Variants in ADAM19 observed in about 807,000 individuals in gnomAD.
The protein encoded by ADAM19 is disintegrin and metalloproteinase domain-containing protein 19.
In ADAM19, 65 loss-of-function variants were observed where a neutral mutation model predicts 114.7. The observed-to-expected ratio is 0.57, with a 90% CI of 0.46 to 0.70. The LOEUF (loss-of-function observed/expected upper bound fraction) is 0.70. Among genes scored for constraint, ADAM19 ranks in the 30% least tolerant of loss-of-function variants. ADAM19 has a pLI of 0.00. For synonymous variants in ADAM19, 466 were observed against 460.5 expected (o/e 1.01, Z -0.15); for missense variants, 1,063 against 1,204.7 (o/e 0.88, Z 1.74).
chr5:157,516,207 C>G (rs1352951932), intron 7 of ADAM19, among the ~76,000 whole-genome samples: 1 of 152,192 alleles, frequency 6.6e-6, no homozygotes, highest in Non-Finnish European at 1.5e-5. Flanking sequence ...TACACACCCC[C>G]ACCCCAGTCC....
intron 5 of ADAM19, among the ~76,000 whole-genome samples, chr5:157,523,968 T>C (rs1314586368): frequency 6.6e-6 from 1 of 152,210 alleles, no homozygotes. Flanking sequence ...GCAATAGGAT[T>C]CTGTGGCCAC....
chr5:157,477,653 C>G lies in ADAM19; in HGVS notation c.*3296G>C. 7.8e-7 allele frequency: 1 copy of G among 1,289,122 alleles called. No individual in the cohort carries two copies. The allele number at this position is 1,289,122 out of a possible 1,614,324, so 79.9% of individuals were successfully genotyped here. A position where few individuals can be genotyped will look rare whatever the true frequency, so the allele number is the denominator to read the frequency against. On this transcript the variant is annotated 3_prime_UTR_variant, in exon 23 of 23. Transcript: ENST00000257527. ...TCCCATGGCTTTCTTGGGTGTCCAGCAGAGCTGTTATACACGTGGTTAACA... is the reference window on the plus strand; with the variant it reads ...TCCCATGGCTTTCTTGGGTGTCCAGGAGAGCTGTTATACACGTGGTTAACA...
chr5:157,525,471 C>T (rs1432472430), intron 5 of ADAM19, among the ~76,000 whole-genome samples: 1 of 152,194 alleles, frequency 6.6e-6, no homozygotes, highest in Non-Finnish European at 1.5e-5. Context: ...CAAAAAAGAA[C>T]TTGCCCAAGC....
chr5:157,534,635 G>T (rs1460269194), intron 4 of ADAM19, among the ~76,000 whole-genome samples: 5 of 152,150 alleles, frequency 3.3e-5, no homozygotes, highest in African/African-American at 9.7e-5. Flanking sequence ...TCCAGCCTGG[G>T]GGACAGAGCG....
chr5:157,574,113 T>C (rs1280735962), intron 1 of ADAM19, among the ~76,000 whole-genome samples: 1 of 152,238 alleles, frequency 6.6e-6, no homozygotes, highest in Non-Finnish European at 1.5e-5. Context: ...CTTATGGGTA[T>C]GGTTCCAATT....
chr5:157,524,988 A>G (rs1336240592), intron 5 of ADAM19, among the ~76,000 whole-genome samples: 1 of 152,218 alleles, frequency 6.6e-6, no homozygotes, highest in African/African-American at 2.4e-5. Flanking sequence ...TCAGCTCGGG[A>G]AATAGCATGA....
At chr5:157,521,000 C>T (rs1756270911) in intron 5 of ADAM19, among the ~76,000 whole-genome samples, 1 of 152,196 alleles carries the variant, frequency 6.6e-6, no homozygotes, top group Non-Finnish European at 1.5e-5. Context: ...GAACAAGACA[C>T]ACCAAGTGCC....
intron 4 of ADAM19, among the ~76,000 whole-genome samples, chr5:157,533,741 C>T (rs1371097583): frequency 6.6e-6 from 1 of 151,910 alleles, no homozygotes; most frequent in African/African-American, 2.4e-5. Context: ...TCAAGGTGGG[C>T]GAATCATGAG....
At chr5:157,499,718 T>A in intron 12 of ADAM19, 56 bp from the exon 13 acceptor site, 1 of 1,245,802 alleles carries the variant, frequency 8.0e-7, no homozygotes, top group Middle Eastern at 2.4e-4. Flanking sequence ...ACCCCCAACA[T>A]TTTCCCCACC....
In ADAM19 at chr5:157,479,811, C is replaced by CGAAGTCAATGACCAGCCTGCTCCCT. The variant is rs1561836306; in HGVS notation, c.*1113_*1137dup. ...CTGCTCAGAGGGCAACGGTCCAGCC[C>CGAAGTCAATGACCAGCCTGCTCCCT]GAAGTCAATGACCAGCCTGCTCCCT... On this transcript the variant is annotated 3_prime_UTR_variant, in exon 23 of 23. Coordinates refer to ENST00000257527, the MANE Select transcript of ADAM19 (RefSeq NM_033274.5). 2 of 985,362 alleles carry CGAAGTCAATGACCAGCCTGCTCCCT rather than the reference C, an allele frequency of 2.0e-6. No homozygotes were observed. The highest frequency in any genetic ancestry group is 1.2e-4 in the Admixed American group (2 of 16,272). 61.0% of individuals were successfully genotyped at this position (985,362 alleles called of 1,614,324 possible). A position where few individuals can be genotyped will look rare whatever the true frequency, so the allele number is the denominator to read the frequency against.
chr5:157,518,892 A>G lies in ADAM19; in HGVS notation c.601-4T>C, dbSNP rs1278140918. ...AGTTTAAATCTTCCCTTTTCATCTA[A>G]GAAAGAGAAACAGATCAGCGCTGTA... On this transcript the variant is annotated splice_polypyrimidine_tract_variant and splice_region_variant and intron_variant, in intron 6 of 22. Coordinates refer to ENST00000257527, the MANE Select transcript of ADAM19 (RefSeq NM_033274.5). 6 of 1,613,362 alleles carry G rather than the reference A, an allele frequency of 3.7e-6. No homozygotes were observed. The highest frequency in any genetic ancestry group is 1.7e-5 in the Admixed American group (1 of 60,028).
intron 1 of ADAM19, among the ~76,000 whole-genome samples, chr5:157,573,607 G>C (rs2113804921): frequency 6.6e-6 from 1 of 152,294 alleles, no homozygotes; most frequent in East Asian, 1.9e-4. Context: ...CTAGCCGGGT[G>C]TGGTGGCACA....
chr5:157,512,744 A>T (rs1444781264), intron 8 of ADAM19, among the ~76,000 whole-genome samples: 3 of 152,198 alleles, frequency 2.0e-5, no homozygotes, highest in Non-Finnish European at 4.4e-5. Context: ...CTAAGAGACA[A>T]GACATAATTT....
chr5:157,513,143 A>T (rs948858212), intron 8 of ADAM19, among the ~76,000 whole-genome samples: 3 of 152,118 alleles, frequency 2.0e-5, no homozygotes, highest in African/African-American at 7.2e-5. Context: ...TTAAAATTCC[A>T]CCAGGAAAAT....
Position 157,494,668 on chromosome 5 carries a change from C to T in ADAM19, c.1703+19G>A, listed in dbSNP as rs182047636. The T allele has an allele frequency of 3.2e-5, 52 of 1,602,834 alleles. No homozygotes were observed. In the African/African-American group the frequency reaches 5.7e-4, roughly 18 times the overall value. On this transcript the variant is annotated intron_variant, in intron 15 of 22. Coordinates refer to ENST00000257527, the MANE Select transcript of ADAM19 (RefSeq NM_033274.5). Reference sequence around the variant, plus strand: ...GCTTGTTCATCCTCATTTCATGAGGCCTGCCCTTTGGTCATCACCTCATGT... The same window carrying T: ...GCTTGTTCATCCTCATTTCATGAGGTCTGCCCTTTGGTCATCACCTCATGT...
intron 22 of ADAM19, 135 bp downstream of exon 22, chr5:157,481,656 T>C (rs777768293): frequency 3.2e-6 from 5 of 1,551,710 alleles, no homozygotes; most frequent in Admixed American, 3.9e-5. Flanking sequence ...ATGAATGTTT[T>C]GCCCTTGGCT....
At chr5:157,529,754 A>G (rs1756572591) in intron 5 of ADAM19, among the ~76,000 whole-genome samples, 1 of 152,186 alleles carries the variant, frequency 6.6e-6, no homozygotes, top group Admixed American at 6.5e-5. Flanking sequence ...CTTTTTATCC[A>G]CATTTTACAA....
At chr5:157,557,943 G>A (rs984788840) in intron 3 of ADAM19, among the ~76,000 whole-genome samples, 4 of 152,170 alleles carry the variant, frequency 2.6e-5, no homozygotes, top group African/African-American at 9.7e-5. Context: ...CTTATGCTGG[G>A]GTGGGGTTGA....
chr5:157,487,721 G>A (rs1348733551), intron 21 of ADAM19, among the ~76,000 whole-genome samples: 2 of 152,174 alleles, frequency 1.3e-5, no homozygotes, highest in African/African-American at 2.4e-5. Flanking sequence ...CCTTGGGATG[G>A]GCAAGGCATC....
Sources: gnomAD v4.1 joint callset for allele counts (sites outside exome capture counted in the v4.1 genomes callset) on GRCh38, gnomAD v4.1.1 for gene constraint, MANE v1.5 for transcripts, NCBI Gene and HGNC (gene_info 2026-07-23, HGNC 2026-07-21) for gene names.